GSE1: variants seen among roughly 807,000 people sequenced by gnomAD.
GSE1 encodes the protein genetic suppressor element 1.
A neutral mutation model predicts 112.6 loss-of-function variants in GSE1; 32 were observed. That is an observed-to-expected ratio of 0.28 (90% CI 0.21 to 0.38). The LOEUF is 0.38. GSE1 is among the 10% of genes least tolerant of loss of function. GSE1 has a pLI of 1.00. For synonymous variants in GSE1, 1,115 were observed against 735.6 expected (o/e 1.52, Z -8.35); for missense variants, 2,348 against 1,699.2 (o/e 1.38, Z -6.71).
At chr16:85,437,856 G>A (rs781430600) in intron 2 of GSE1, among the ~76,000 whole-genome samples, 7 of 152,166 alleles carry the variant, frequency 4.6e-5, no homozygotes, top group Non-Finnish European at 8.8e-5. Flanking sequence ...CCACCCTTTC[G>A]CTGTGTGGTG....
intron 2 of GSE1, among the ~76,000 whole-genome samples, chr16:85,507,764 C>G (rs998177016): frequency 2.6e-5 from 4 of 152,204 alleles, no homozygotes; most frequent in African/African-American, 9.6e-5. Context: ...CAAATACAGT[C>G]ACATTCTGAG....
intron 1 of GSE1, among the ~76,000 whole-genome samples, chr16:85,338,318 C>T (rs9888865): frequency 0.071 from 10,883 of 152,318 alleles, 414 homozygotes; most frequent in Admixed American, 0.094. Flanking sequence ...TGGGGCCACC[C>T]TGAGTGCCCT....
At position 85,668,336 on chromosome 16, in the gene GSE1, TGAA is replaced by T. The variant is rs2053051721; in HGVS notation, c.3330_3332del (p.Glu1110del). The stretch of plus-strand genomic sequence containing the variant: ...CGGAGGAGGAGGAAGAGGAGGATGA[TGAA>T]GATGGAGAAGATGAGGAGGAAGTCC... On this transcript the variant is annotated inframe_deletion, in exon 14 of 16. Transcript: ENST00000253458. 1.2e-6 allele frequency: 2 copies of T among 1,612,440 alleles called. No individual in the cohort carries two copies. Among genetic ancestry groups the T allele is most frequent in the African/African-American group, 2.7e-5 (2 of 74,552 alleles).
intron 2 of GSE1, among the ~76,000 whole-genome samples, chr16:85,536,337 T>C (rs1308529339): frequency 1.3e-5 from 2 of 152,068 alleles, no homozygotes; most frequent in African/African-American, 4.8e-5. Flanking sequence ...AACAGTGGAG[T>C]TGGCTGCATG....
rs74347331 is a variant in GSE1, at chr16:85,580,467, T to C, written c.37+24104T>C. On this transcript the variant is annotated intron_variant, in intron 1 of 2. Coordinates refer to the GSE1 transcript ENST00000635906. Reference sequence around the variant, plus strand: ...CTGCCTCCCCACTGAACTGGGCTCCTTCCTGCCATTGAGCCTCTCAGACCT... The same window carrying C: ...CTGCCTCCCCACTGAACTGGGCTCCCTCCTGCCATTGAGCCTCTCAGACCT... 4.4e-3 allele frequency among the ~76,000 whole-genome samples: 669 copies of C among 152,282 alleles called. 2 individuals carry two copies. Among genetic ancestry groups the C allele is most frequent in the Non-Finnish European group, 7.8e-3 (530 of 68,014 alleles).
At chr16:85,509,116 G>A (rs556222055) in intron 2 of GSE1, among the ~76,000 whole-genome samples, 45 of 152,302 alleles carry the variant, frequency 3.0e-4, no homozygotes, top group African/African-American at 6.7e-4. Context: ...GGCGAGACAC[G>A]GACAAAGGCT....
intron 1 of GSE1, among the ~76,000 whole-genome samples, chr16:85,176,103 C>A (rs1299045650): frequency 1.3e-5 from 2 of 152,208 alleles, no homozygotes; most frequent in East Asian, 3.9e-4. Context: ...AACCTCCCAC[C>A]CCAGTCTTCT....
chr16:85,311,312 A>G lies in GSE1; in HGVS notation c.2284-46151A>G, dbSNP rs1339524107. ...CTGCCAGGCAGCGGGCTCCCTGGAC[A>G]GGGTGGGCGTCGTTAGAGCAGAAAC... On this transcript the variant is annotated intron_variant, in intron 1 of 2. Coordinates refer to the GSE1 transcript ENST00000637419. This position sits in a 1 kb window ranked among gnomAD's most constrained non-coding sequence, Gnocchi z 4.2. 5.9e-5 allele frequency among the ~76,000 whole-genome samples: 9 copies of G among 152,214 alleles called. No individual in the cohort carries two copies. Among genetic ancestry groups the G allele is most frequent in the Admixed American group, 5.9e-4 (9 of 15,290 alleles).
At chr16:85,369,584 A>T (rs937904384) in intron 2 of GSE1, among the ~76,000 whole-genome samples, 8 of 152,028 alleles carry the variant, frequency 5.3e-5, no homozygotes, top group Non-Finnish European at 8.8e-5. Flanking sequence ...CTGTGACCCC[A>T]TTAGATGCCC....
chr16:85,368,690 G>GT (rs1313984030), intron 2 of GSE1, among the ~76,000 whole-genome samples: 2 of 152,200 alleles, frequency 1.3e-5, no homozygotes, highest in Non-Finnish European at 2.9e-5. Flanking sequence ...GAGTGACAGA[G>GT]TGAGACCCTG....
At chr16:85,202,751 G>A (rs1462582500) in intron 1 of GSE1, among the ~76,000 whole-genome samples, 2 of 152,246 alleles carry the variant, frequency 1.3e-5, no homozygotes, top group African/African-American at 2.4e-5. Context: ...CCCTGTGTCT[G>A]TTCTCGCCTG....
upstream of GSE1, among the ~76,000 whole-genome samples, chr16:85,610,366 TG>T (rs1182880657): frequency 6.6e-6 from 1 of 152,004 alleles, no homozygotes; most frequent in Non-Finnish European, 1.5e-5. Context: ...TCGCACTATC[TG>T]GGGGCGCGGG....
chr16:85,334,441 G>T (rs2046440620), intron 1 of GSE1, among the ~76,000 whole-genome samples: 1 of 152,150 alleles, frequency 6.6e-6, no homozygotes, highest in Admixed American at 6.6e-5. Flanking sequence ...GGCCCTTCTG[G>T]CCCCCTCCAG....
chr16:85,368,359 C>G (rs1315973340), intron 2 of GSE1, among the ~76,000 whole-genome samples: 1 of 152,130 alleles, frequency 6.6e-6, no homozygotes, highest in East Asian at 1.9e-4. Flanking sequence ...CCTTGGCTCT[C>G]CTGCCGCCTG....
intron 1 of GSE1, among the ~76,000 whole-genome samples, chr16:85,353,248 C>T (rs1033635330): frequency 6.6e-6 from 1 of 152,212 alleles, no homozygotes; most frequent in Non-Finnish European, 1.5e-5. Flanking sequence ...CCTCCACACT[C>T]ACTTGGGTTG....
At chr16:85,208,572 C>G (rs1261900079) in intron 1 of GSE1, among the ~76,000 whole-genome samples, 1 of 152,254 alleles carries the variant, frequency 6.6e-6, no homozygotes, top group Non-Finnish European at 1.5e-5. Flanking sequence ...TACCTCTAGA[C>G]CAGGGACCGC....
chr16:85,414,547 G>T (rs1261371590), intron 2 of GSE1, among the ~76,000 whole-genome samples: 1 of 152,236 alleles, frequency 6.6e-6, no homozygotes, highest in Non-Finnish European at 1.5e-5. Flanking sequence ...CAGAAACACA[G>T]GTGTCAGGGC....
chr16:85,308,350 G>T (rs1242177039), intron 1 of GSE1, among the ~76,000 whole-genome samples: 1 of 152,184 alleles, frequency 6.6e-6, no homozygotes, highest in African/African-American at 2.4e-5. Flanking sequence ...GACAGCCAGG[G>T]CAGAGAACGC....
At chr16:85,380,153 A>T (rs1278475177) in intron 2 of GSE1, among the ~76,000 whole-genome samples, 1 of 152,196 alleles carries the variant, frequency 6.6e-6, no homozygotes, top group African/African-American at 2.4e-5. Flanking sequence ...CTTTGTACTC[A>T]GGGATCATCA....
Sources: allele counts gnomAD v4.1 joint callset (sites outside exome capture counted in the v4.1 genomes callset), GRCh38; gene constraint gnomAD v4.1.1; non-coding constraint Gnocchi (gnomAD v3.1); transcripts MANE v1.5; gene names NCBI Gene and HGNC (gene_info 2026-07-23, HGNC 2026-07-21).